The following NDC1 variants were observed in gnomAD, a reference collection of about 807,000 sequenced individuals.
The protein encoded by NDC1 is nucleoporin NDC1.
A neutral mutation model predicts 89.8 loss-of-function variants in NDC1; 24 were observed. The ratio of observed to expected loss-of-function variants is 0.27; its 90% CI spans 0.19 to 0.38. The LOEUF (loss-of-function observed/expected upper bound fraction) is 0.38, where lower values mean the gene tolerates loss of function less well. Among genes scored for constraint, NDC1 ranks in the 10% least tolerant of loss-of-function variants. The pLI, the probability that NDC1 is intolerant of heterozygous loss-of-function variation, is 1.00. For missense variants in NDC1, 728 were observed against 797.6 expected (o/e 0.91, Z 1.05); for synonymous variants, 296 against 284.8 (o/e 1.04, Z -0.39).
chr1:53,809,843 C>A, intron 6 of NDC1, 97 bp from the exon 7 acceptor site: 1 of 831,264 alleles, frequency 1.2e-6, no homozygotes, highest in Non-Finnish European at 2.0e-6. Flanking sequence ...GCCACACAGA[C>A]ACCAAGACCT....
chr1:53,822,088 T>C (rs1329591900), intron 5 of NDC1, among the ~76,000 whole-genome samples: 1 of 152,220 alleles, frequency 6.6e-6, no homozygotes, highest in Non-Finnish European at 1.5e-5. Context: ...GAACTGGTTT[T>C]AGTAGTGTAG....
chr1:53,820,132 G>C (rs544550428), intron 5 of NDC1, among the ~76,000 whole-genome samples: 4 of 151,972 alleles, frequency 2.6e-5, no homozygotes, highest in Non-Finnish European at 5.9e-5. Flanking sequence ...GCACATGCCT[G>C]TAATCGCAGC....
At position 53,797,150 on chromosome 1, in the gene NDC1, AAAC is replaced by A; in HGVS notation, c.1223-9_1223-7del. ...TGTCTGAAAAGCAGTTTCTTCTGTA[AAAC>A]AACAGATCCAGTGCTGAAGAGGCAA... On this transcript the variant is annotated splice_polypyrimidine_tract_variant and splice_region_variant and intron_variant, in intron 11 of 17. Coordinates refer to ENST00000371429, the MANE Select transcript of NDC1 (RefSeq NM_018087.5). The A allele has an allele frequency of 6.2e-7, 1 of 1,613,450 alleles. No individual in the cohort carries two copies. The highest frequency in any genetic ancestry group is 1.1e-5 in the South Asian group (1 of 91,030).
intron 11 of NDC1, among the ~76,000 whole-genome samples, chr1:53,800,132 T>C (rs1443258952): frequency 6.6e-6 from 1 of 152,140 alleles, no homozygotes; most frequent in Admixed American, 6.6e-5. Flanking sequence ...ACACTGAACT[T>C]AATTTGTTTC....
At chr1:53,781,031 T>A (rs187594933) in intron 16 of NDC1, among the ~76,000 whole-genome samples, 2,049 of 151,974 alleles carry the variant, frequency 0.013, 28 homozygotes, top group Middle Eastern at 0.054. Flanking sequence ...TTTTTAAAAA[T>A]TTTTTTTATA....
At chr1:53,784,777 C>CA (rs1647264943) in intron 16 of NDC1, among the ~76,000 whole-genome samples, 1 of 150,206 alleles carries the variant, frequency 6.7e-6, no homozygotes. Context: ...GGCGAAAGAG[C>CA]GAGACTCTGT....
intron 15 of NDC1, among the ~76,000 whole-genome samples, 157 bp from the exon 16 acceptor site, chr1:53,787,415 G>A (rs1647340307): frequency 6.6e-6 from 1 of 152,132 alleles, no homozygotes. Flanking sequence ...CTGGGAGGCT[G>A]AGGCAGGCAG....
At chr1:53,812,519 G>C (rs1648344019) in intron 6 of NDC1, among the ~76,000 whole-genome samples, 1 of 152,168 alleles carries the variant, frequency 6.6e-6, no homozygotes, top group South Asian at 2.1e-4. Context: ...TTCAAAGCTT[G>C]AAGACAAGAT....
At chr1:53,779,770 C>CA (rs1031537876) in intron 16 of NDC1, among the ~76,000 whole-genome samples, 1 of 152,010 alleles carries the variant, frequency 6.6e-6, no homozygotes, top group African/African-American at 2.4e-5. Flanking sequence ...CAGGGTTTTA[C>CA]AAAAAACATT....
chr1:53,817,449 A>G (rs1195592383), intron 6 of NDC1, among the ~76,000 whole-genome samples: 1 of 152,234 alleles, frequency 6.6e-6, no homozygotes, highest in East Asian at 1.9e-4. Context: ...ATGCAAAGGC[A>G]TAAGAATAAT....
intron 3 of NDC1, among the ~76,000 whole-genome samples, chr1:53,830,311 A>G (rs992619801): frequency 5.3e-5 from 8 of 150,048 alleles, no homozygotes; most frequent in Admixed American, 3.3e-4. Context: ...AAAATTAGCC[A>G]GGCATGGTGG....
In NDC1 at chr1:53,836,441, CTCTG is replaced by C. The variant is rs559662772; in HGVS notation, c.58-825_58-822del. Among the ~76,000 whole-genome samples the C allele has an allele frequency of 2.7e-3, 385 of 143,664 alleles. 2 individuals are homozygous for C. Among genetic ancestry groups the C allele is most frequent in the African/African-American group, 9.6e-3 (357 of 37,340 alleles). The allele number at this position is 143,664 out of a possible 152,430, so 94.2% of individuals were successfully genotyped here. On this transcript the variant is annotated intron_variant, in intron 1 of 17. Transcript: ENST00000371429. ...TTCCAGCCCGGGCAACAGAGCAAGA[CTCTG>C]TCTAACAAAAAAAAAAAAAAAAAAG... is the stretch of plus-strand genomic sequence containing the variant.
At chr1:53,803,209 G>A (rs1647979470) in intron 10 of NDC1, among the ~76,000 whole-genome samples, 1 of 152,088 alleles carries the variant, frequency 6.6e-6, no homozygotes, top group Admixed American at 6.5e-5. Flanking sequence ...GCGACTACAG[G>A]CACATGCTAC....
intron 3 of NDC1, among the ~76,000 whole-genome samples, chr1:53,828,951 T>C (rs1220719815): frequency 6.6e-6 from 1 of 152,142 alleles, no homozygotes; most frequent in African/African-American, 2.4e-5. Flanking sequence ...CATTTGAAAC[T>C]GTCAATATAT....
chr1:53,782,497 G>C (rs1647220604), intron 16 of NDC1, among the ~76,000 whole-genome samples: 1 of 152,170 alleles, frequency 6.6e-6, no homozygotes, highest in South Asian at 2.1e-4. Context: ...AGGCATATAC[G>C]CAAGTCAGGA....
intron 13 of NDC1, among the ~76,000 whole-genome samples, chr1:53,795,992 G>A (rs1647684098): frequency 6.6e-6 from 1 of 152,048 alleles, no homozygotes; most frequent in Admixed American, 6.5e-5. Flanking sequence ...AGCCACACTG[G>A]TATCCACATT....
At chr1:53,812,224 C>A (rs1194776428) in intron 6 of NDC1, among the ~76,000 whole-genome samples, 1 of 152,136 alleles carries the variant, frequency 6.6e-6, no homozygotes, top group African/African-American at 2.4e-5. Flanking sequence ...AAAAAAATCA[C>A]ACTAGTTCAC....
chr1:53,807,786 A>T lies in NDC1; in HGVS notation c.761T>A (p.Val254Asp), dbSNP rs765980814. ...ACTCACTGTGTCAAGTGGCCTATGA[A>T]CCTGCCTGTGAATGCAGAAATTACT... ...TAMNLHIDEQ[V>D]HRPLDTVSGL... The change falls in exon 8 of 18, where the codon GTT becomes GAT. Residue 254 changes from valine (V) to aspartate (D), a missense_variant. Transcript: ENST00000371429. 6.3e-7 allele frequency: 1 copy of T among 1,596,824 alleles called. No homozygotes were observed. Among genetic ancestry groups the T allele is most frequent in the South Asian group, 1.1e-5 (1 of 87,182 alleles).
At chr1:53,826,271 A>G (rs1440918483) in intron 4 of NDC1, among the ~76,000 whole-genome samples, 1 of 152,232 alleles carries the variant, frequency 6.6e-6, no homozygotes, top group Non-Finnish European at 1.5e-5. Context: ...TAGAGATGCC[A>G]TAACATTGGG....
Sources: gnomAD v4.1 joint callset for allele counts (sites outside exome capture counted in the v4.1 genomes callset) on GRCh38, gnomAD v4.1.1 for gene constraint, MANE v1.5 for transcripts, NCBI Gene and HGNC (gene_info 2026-07-23, HGNC 2026-07-21) for gene names.